The following CROCC variants were observed in gnomAD, a reference collection of about 807,000 sequenced individuals.
The protein encoded by CROCC is ciliary rootlet coiled-coil, rootletin.
Under a neutral mutation model 245.2 loss-of-function variants are expected in CROCC, and 180 were observed. The observed-to-expected ratio is 0.73, with a 90% CI of 0.65 to 0.83. The LOEUF (loss-of-function observed/expected upper bound fraction) is 0.83. Among genes scored for constraint, CROCC ranks in the 40% least tolerant of loss-of-function variants. The pLI is 0.00. For missense variants in CROCC, 2,688 were observed against 2,779.4 expected, an observed-to-expected ratio of 0.97 and a Z score of 0.74; for synonymous variants, 1,205 against 1,241.6, an observed-to-expected ratio of 0.97 and a Z score of 0.62.
chr1:16,946,780 C>A lies in CROCC; in HGVS notation c.2303C>A (p.Ala768Asp), dbSNP rs1366330980. ...CTCCAGCTGGAGGAAGAAAAGTCCG[C>A]CCTGCAGGGCCGGCAACGGCAGGCA... Reference protein sequence around the residue: ...LVAQLEEEKSALQGRQRQAEQ... With the variant: ...LVAQLEEEKSDLQGRQRQAEQ... The change falls in exon 17 of 37, where the codon GCC becomes GAC. Residue 768 changes from alanine to aspartate, a missense_variant. Physicochemically the swap from Ala to Asp is moderately radical, Grantham distance 126. Transcript: ENST00000375541. The A allele has an allele frequency of 3.9e-6, 6 of 1,551,660 alleles. No individual in the cohort carries two copies. The highest frequency in any genetic ancestry group is 5.2e-6 in the Non-Finnish European group (6 of 1,147,098).
At chr1:16,968,708 T>C (rs2076461328) in intron 31 of CROCC, among the ~76,000 whole-genome samples, 1 of 152,248 alleles carries the variant, frequency 6.6e-6, no homozygotes, top group African/African-American at 2.4e-5. Flanking sequence ...CTTTTTGCCT[T>C]GACTGCTAGG....
At chr1:16,924,996 C>T (rs2075500880) in intron 3 of CROCC, among the ~76,000 whole-genome samples, 1 of 152,284 alleles carries the variant, frequency 6.6e-6, no homozygotes, top group Non-Finnish European at 1.5e-5. Flanking sequence ...AGAAGCAGGC[C>T]TGTCTTCATG....
chr1:16,960,292 A>G (rs1465736812), intron 26 of CROCC, among the ~76,000 whole-genome samples: 1 of 152,070 alleles, frequency 6.6e-6, no homozygotes, highest in African/African-American at 2.4e-5. Flanking sequence ...AAAACCCACA[A>G]AAACAACAAA....
Position 16,935,460 on chromosome 1 carries a change from G to A in CROCC, c.957-1177G>A, listed in dbSNP as rs547801412. 3.6e-4 allele frequency among the ~76,000 whole-genome samples: 55 copies of A among 152,138 alleles called. No homozygotes were observed. The South Asian group carries it at 1.0e-2, about 28-fold the overall frequency. On this transcript the variant is annotated intron_variant, in intron 8 of 36. Coordinates refer to ENST00000375541, the MANE Select transcript of CROCC (RefSeq NM_014675.5). Reference sequence around the variant, plus strand: ...TTTTGAGACATAGTCTCACTCTGTCGCCCAGGCTGGAGTGCAGTGGCCCAA... The same window carrying A: ...TTTTGAGACATAGTCTCACTCTGTCACCCAGGCTGGAGTGCAGTGGCCCAA...
rs763753129 is a variant in CROCC, at chr1:16,938,892, C to T, written c.1375-17C>T. ...CTAACTCAGCAGCCTCCTTCTGCCTCCCTCCCCCACCCTCAGGCCGTCTTG... is the reference window on the plus strand; with the variant it reads ...CTAACTCAGCAGCCTCCTTCTGCCTTCCTCCCCCACCCTCAGGCCGTCTTG... On this transcript the variant is annotated splice_polypyrimidine_tract_variant and intron_variant, in intron 11 of 36. Coordinates refer to ENST00000375541, the MANE Select transcript of CROCC (RefSeq NM_014675.5). 7 of 1,603,316 alleles carry T rather than the reference C, an allele frequency of 4.4e-6. No homozygotes were observed. Among genetic ancestry groups the T allele is most frequent in the Non-Finnish European group, 6.0e-6 (7 of 1,176,122 alleles).
At chr1:16,914,622 T>C in intron 1 of CROCC, among the ~76,000 whole-genome samples, 1 of 152,412 alleles carries the variant, frequency 6.6e-6, no homozygotes, top group Non-Finnish European at 1.5e-5. Flanking sequence ...AGCGCATAGT[T>C]GGGCTGGCCA....
At chr1:16,932,333 G>A (rs766677684) in intron 8 of CROCC, among the ~76,000 whole-genome samples, 2 of 152,214 alleles carry the variant, frequency 1.3e-5, no homozygotes, top group Admixed American at 6.5e-5. Context: ...CCAGCTACTC[G>A]GGAGGCTGAG....
rs1468293089 is a variant in CROCC at position 16,964,635 on chromosome 1, G to A, written c.4406-1088G>A. Among the ~76,000 whole-genome samples the A allele has an allele frequency of 4.6e-5, 7 of 151,706 alleles. No individual in the cohort carries two copies. In the South Asian group the frequency reaches 6.3e-4, roughly 14 times the overall value. ...GCTGACCTCGTGATCTGCCCACCTC[G>A]GCATCCCAAAGTGCTGGGATTACAG... is the stretch of plus-strand genomic sequence containing the variant. On this transcript the variant is annotated intron_variant, in intron 27 of 36. Coordinates refer to ENST00000375541, the MANE Select transcript of CROCC (RefSeq NM_014675.5).
chr1:16,941,741 A>G (rs888324954), intron 13 of CROCC, among the ~76,000 whole-genome samples: 215 of 152,326 alleles, frequency 1.4e-3, no homozygotes, highest in African/African-American at 4.9e-3. Context: ...CAAAAAAAAA[A>G]AAAAAAGAAA....
chr1:16,950,603 C>A (rs2076142661), intron 19 of CROCC, among the ~76,000 whole-genome samples: 1 of 152,260 alleles, frequency 6.6e-6, no homozygotes, highest in Non-Finnish European at 1.5e-5. Context: ...GGTGATCCAC[C>A]TGCCCCAGCT....
intron 25 of CROCC, among the ~76,000 whole-genome samples, chr1:16,956,535 C>T (rs2076252901): frequency 6.6e-6 from 1 of 152,152 alleles, no homozygotes; most frequent in South Asian, 2.1e-4. Context: ...ACGGGCCACA[C>T]AGTCTCTGTT....
intron 3 of CROCC, among the ~76,000 whole-genome samples, chr1:16,928,871 G>A (rs1414488888): frequency 1.3e-5 from 2 of 152,194 alleles, no homozygotes; most frequent in African/African-American, 4.8e-5. Flanking sequence ...CTGTCGCCCA[G>A]GCTGGAGTGC....
chr1:16,941,307 C>G (rs1319877169), intron 13 of CROCC: 9 of 152,502 alleles, frequency 5.9e-5, no homozygotes, highest in Non-Finnish European at 1.2e-4. Context: ...CTCCTGTAAT[C>G]CCAGCTATTC....
intron 20 of CROCC, chr1:16,953,070 C>T: frequency 1.9e-6 from 1 of 530,102 alleles, no homozygotes; most frequent in Non-Finnish European, 3.4e-6. Context: ...AGTTACTTGT[C>T]CCTCCGCAGG....
chr1:16,953,587 G>T, intron 21 of CROCC, 106 bp downstream of exon 21: 4 of 1,086,550 alleles, frequency 3.7e-6, no homozygotes, highest in Non-Finnish European at 3.8e-6. Flanking sequence ...GCAGGCCACT[G>T]CCCTCTTGGG....
intron 20 of CROCC, chr1:16,951,816 C>T (rs1171503177): frequency 1.9e-5 from 3 of 156,030 alleles, no homozygotes; most frequent in African/African-American, 7.2e-5. Context: ...GCATGCCACT[C>T]ACCCTGCAGT....
chr1:16,935,313 T>C (rs1239889988), intron 8 of CROCC, among the ~76,000 whole-genome samples: 1 of 152,282 alleles, frequency 6.6e-6, no homozygotes, highest in Non-Finnish European at 1.5e-5. Context: ...ATACGCCTGG[T>C]AAAATTTCAT....
rs112512344 is a variant in CROCC at position 16,948,717 on chromosome 1, G to A, written c.2709-82G>A. 2.3e-4 allele frequency: 367 copies of A among 1,584,424 alleles called. No homozygotes were observed. In the African/African-American group the frequency reaches 4.5e-3, roughly 19 times the overall value. ...GCAGGTAGATTGGCACTTGGCCCATGCCTGGCCACTCCCTGAGATCCACAG... is the reference window on the plus strand; with the variant it reads ...GCAGGTAGATTGGCACTTGGCCCATACCTGGCCACTCCCTGAGATCCACAG... On this transcript the variant is annotated intron_variant, in intron 18 of 36. Transcript: ENST00000375541.
Position 16,968,382 on chromosome 1 carries a change from G to C in CROCC, c.5040G>C (p.Gln1680His), listed in dbSNP as rs2100553821. ...LGLSDREAQA[Q>H]ALQDRVDSLQ... Reference sequence around the variant, plus strand: ...TCAGTGACCGCGAGGCCCAAGCCCAGGCCCTCCAGGATCGGGTGGATTCCC... The same window carrying C: ...TCAGTGACCGCGAGGCCCAAGCCCACGCCCTCCAGGATCGGGTGGATTCCC... Residue 1680 changes from glutamine to histidine, a missense_variant, in exon 31 of 37, where the codon CAG becomes CAC. Gln to His is a conservative substitution (Grantham distance 24). Around this residue, in one of 9 missense-constraint regions of CROCC, gnomAD observed 1,218 missense variants for 1,286.3 expected, o/e 0.95. Coordinates refer to ENST00000375541, the MANE Select transcript of CROCC (RefSeq NM_014675.5). 6.6e-7 allele frequency: 1 copy of C among 1,516,614 alleles called. No homozygotes were observed. The highest frequency in any genetic ancestry group is 8.8e-7 in the Non-Finnish European group (1 of 1,131,450). 93.9% of individuals were successfully genotyped at this position (1,516,614 alleles called of 1,614,324 possible).
Sources: allele counts gnomAD v4.1 joint callset (sites outside exome capture counted in the v4.1 genomes callset), GRCh38; gene constraint gnomAD v4.1.1; regional missense constraint gnomAD v4.1.1; transcripts MANE v1.5; gene names NCBI Gene and HGNC (gene_info 2026-07-23, HGNC 2026-07-21).